The following FREM2 variants were observed in gnomAD, a reference collection of about 807,000 sequenced individuals.
The protein encoded by FREM2 is FRAS1 related extracellular matrix 2, also known as FRAS1-related extracellular matrix protein 2.
FREM2 carries 119 observed loss-of-function variants against 219.9 expected under a neutral mutation model. The ratio of observed to expected loss-of-function variants is 0.54; its 90% CI spans 0.47 to 0.63. The LOEUF (loss-of-function observed/expected upper bound fraction) is 0.63. FREM2 is among the 30% of genes least tolerant of loss of function. FREM2 has a pLI of 0.00. For synonymous variants in FREM2, 1,562 were observed against 1,522.8 expected (o/e 1.03, Z -0.60); for missense variants, 4,030 against 3,993.6 (o/e 1.01, Z -0.25).
intron 6 of FREM2, among the ~76,000 whole-genome samples, chr13:38,797,752 A>G (rs937408414): frequency 1.3e-5 from 2 of 151,676 alleles, no homozygotes; most frequent in African/African-American, 4.8e-5. Flanking sequence ...CTTAGTTTTT[A>G]TAGTTTTATA....
intron 15 of FREM2, among the ~76,000 whole-genome samples, chr13:38,863,990 GC>G (rs1386998289): frequency 4.6e-5 from 7 of 151,928 alleles, no homozygotes; most frequent in Non-Finnish European, 7.4e-5. Flanking sequence ...CCGCCACCAT[GC>G]CCAGCTATTG....
rs769905358 is a variant in FREM2 at position 38,691,159 on chromosome 13, C to T, written c.3815C>T (p.Thr1272Ile). 2 of 1,613,944 alleles carry T rather than the reference C, an allele frequency of 1.2e-6. No homozygotes were observed. Among genetic ancestry groups the T allele is most frequent in the Non-Finnish European group, 1.7e-6 (2 of 1,179,978 alleles). Residue 1272 changes from threonine to isoleucine, a missense_variant, in exon 1 of 24, where the codon ACC becomes ATC. Physicochemically the swap from Thr to Ile is moderately conservative, Grantham distance 89. Transcript: ENST00000280481. ...SIIYEHDDSE[T>I]QEDSFVIKLT... ...ATTTATGAGCATGATGACTCCGAGA[C>T]CCAGGAAGACAGTTTTGTGATTAAA...
intron 6 of FREM2, among the ~76,000 whole-genome samples, chr13:38,815,307 T>C (rs1875722292): frequency 6.6e-6 from 1 of 152,180 alleles, no homozygotes; most frequent in African/African-American, 2.4e-5. Flanking sequence ...TGCCTTTTTC[T>C]TTGGTTTCTC....
intron 6 of FREM2, among the ~76,000 whole-genome samples, chr13:38,823,621 T>C (rs1351691235): frequency 6.6e-6 from 1 of 152,080 alleles, no homozygotes; most frequent in African/African-American, 2.4e-5. Flanking sequence ...TACCTCCTCA[T>C]TCATCAGCTG....
chr13:38,750,581 T>G (rs1739534085), intron 2 of FREM2, among the ~76,000 whole-genome samples: 2 of 152,246 alleles, frequency 1.3e-5, no homozygotes, highest in Non-Finnish European at 2.9e-5. Context: ...ACTGCTGCAG[T>G]AGACTTGGGA....
intron 2 of FREM2, among the ~76,000 whole-genome samples, chr13:38,738,338 G>A (rs770413087): frequency 1.3e-5 from 2 of 152,022 alleles, no homozygotes; most frequent in Admixed American, 6.6e-5. Context: ...GGCCAAAGTG[G>A]GTGGATCACC....
At chr13:38,866,900 G>A (rs1877989044) in intron 16 of FREM2, among the ~76,000 whole-genome samples, 1 of 152,118 alleles carries the variant, frequency 6.6e-6, no homozygotes, top group Non-Finnish European at 1.5e-5. Context: ...AATGTAGCAA[G>A]GCTGTTTTAT....
chr13:38,700,797 T>A (rs1434836418), intron 2 of FREM2, among the ~76,000 whole-genome samples: 1 of 152,060 alleles, frequency 6.6e-6, no homozygotes, highest in Non-Finnish European at 1.5e-5. Context: ...ACTCTTGAAC[T>A]TCTCTGGGTT....
chr13:38,812,606 C>A (rs535181101), intron 6 of FREM2, among the ~76,000 whole-genome samples: 1 of 152,058 alleles, frequency 6.6e-6, no homozygotes. Context: ...TTTGGCTGGG[C>A]ATGGAGGCTC....
chr13:38,727,978 A>G (rs961806512), intron 2 of FREM2, among the ~76,000 whole-genome samples: 10 of 152,196 alleles, frequency 6.6e-5, no homozygotes, highest in Non-Finnish European at 1.0e-4. Context: ...CAGAATTTTC[A>G]GGTAAGCTAT....
At chr13:38,862,280 A>G (rs1041255676) in intron 15 of FREM2, among the ~76,000 whole-genome samples, 3 of 152,204 alleles carry the variant, frequency 2.0e-5, no homozygotes, top group African/African-American at 4.8e-5. Flanking sequence ...AACATCTGCT[A>G]TGTCTTCCTA....
chr13:38,862,578 T>C (rs1282805650), intron 15 of FREM2, among the ~76,000 whole-genome samples: 1 of 152,198 alleles, frequency 6.6e-6, no homozygotes, highest in African/African-American at 2.4e-5. Flanking sequence ...AGAAGTGTAG[T>C]TGAGGCTGAC....
At chr13:38,736,091 G>A (rs1871982502) in intron 2 of FREM2, among the ~76,000 whole-genome samples, 1 of 152,172 alleles carries the variant, frequency 6.6e-6, no homozygotes, top group South Asian at 2.1e-4. Flanking sequence ...AGACCTAGTA[G>A]CACAGTACTA....
At chr13:38,813,619 G>A (rs1164490422) in intron 6 of FREM2, among the ~76,000 whole-genome samples, 1 of 123,600 alleles carries the variant, frequency 8.1e-6, no homozygotes, top group Non-Finnish European at 1.7e-5. Context: ...CTGCTTTTAG[G>A]ATCTTTTCTT....
rs112804136 is a variant in FREM2, at chr13:38,856,960, G to A, written c.7056+704G>A. Among the ~76,000 whole-genome samples the A allele has an allele frequency of 7.0e-3, 1,062 of 151,908 alleles. 10 individuals carry two copies. The highest frequency in any genetic ancestry group is 0.024 in the African/African-American group (1,007 of 41,376). On this transcript the variant is annotated intron_variant, in intron 12 of 23. Transcript: ENST00000280481. ...TTAGTATGAGTTCAAGCTGGGAAAC[G>A]TTTTTCCTTAAATATTTTTATCATT...
chr13:38,879,117 A>G, intron 23 of FREM2, 140 bp downstream of exon 23: 1 of 868,762 alleles, frequency 1.2e-6, no homozygotes, highest in Non-Finnish European at 1.9e-6. Context: ...TGAATAAGAT[A>G]TGGCAAATAA....
rs1877251196 is a variant in FREM2, at chr13:38,848,574, A to G, written c.6283A>G (p.Ile2095Val). 1 of 1,614,064 alleles carries G rather than the reference A, an allele frequency of 6.2e-7. No individual in the cohort carries two copies. The highest frequency in any genetic ancestry group is 8.5e-7 in the Non-Finnish European group (1 of 1,179,962). The change falls in exon 8 of 24, where the codon ATT (isoleucine) becomes GTT (valine). Residue 2095 changes from isoleucine to valine, a missense_variant. Physicochemically the swap from Ile to Val is conservative, Grantham distance 29. Transcript: ENST00000280481. ...DDLGQPALEG[I>V]EKFELVLRMP... ...CCTTGGACAACCAGCGCTGGAGGGA[A>G]TTGAGAAATTTGAACTGGTGCTTCG...
intron 2 of FREM2, among the ~76,000 whole-genome samples, chr13:38,743,703 C>T (rs546046524): frequency 6.6e-6 from 1 of 152,124 alleles, no homozygotes; most frequent in Non-Finnish European, 1.5e-5. Flanking sequence ...GTGTGCCCCA[C>T]CCCTAAACCA....
At chr13:38,877,267 A>T (rs1297895701) in intron 21 of FREM2, 24 bp downstream of exon 21, 1 of 1,612,498 alleles carries the variant, frequency 6.2e-7, no homozygotes, top group Non-Finnish European at 8.5e-7. Flanking sequence ...AATGAGAGGG[A>T]TGCTCTGTTT....
Sources: gnomAD v4.1 joint callset for allele counts (sites outside exome capture counted in the v4.1 genomes callset) on GRCh38, gnomAD v4.1.1 for gene constraint, MANE v1.5 for transcripts, NCBI Gene and HGNC (gene_info 2026-07-23, HGNC 2026-07-21) for gene names.